Variants in LYST observed in about 807,000 individuals in gnomAD.
The protein encoded by LYST is lysosomal-trafficking regulator.
In LYST, 192 loss-of-function variants were observed where a neutral mutation model predicts 413.6. That is an observed-to-expected ratio of 0.46 (90% CI 0.41 to 0.52). The LOEUF (loss-of-function observed/expected upper bound fraction) is 0.52, where lower values mean the gene tolerates loss of function less well. Ranked by LOEUF, LYST falls within the 20% of genes least tolerant of loss-of-function variation. The pLI is 0.00. For synonymous variants in LYST, 1,525 were observed against 1,567.3 expected, an observed-to-expected ratio of 0.97 and a Z score of 0.64; for missense variants, 3,815 against 4,499.9, an observed-to-expected ratio of 0.85 and a Z score of 4.35.
intron 39 of LYST, 63 bp downstream of exon 39, chr1:235,723,965 G>T: frequency 7.5e-7 from 1 of 1,326,302 alleles, no homozygotes; most frequent in Non-Finnish European, 1.1e-6. Flanking sequence ...ATCAGTATGA[G>T]TATAGTTACA....
intron 14 of LYST, chr1:235,786,927 A>G (rs909995430): frequency 1.3e-4 from 37 of 286,888 alleles, no homozygotes; most frequent in Non-Finnish European, 2.3e-4. Flanking sequence ...GAGGGATAGC[A>G]TAGGAGATAT....
At chr1:235,825,601 A>T (rs572592445) in intron 3 of LYST, among the ~76,000 whole-genome samples, 2 of 152,332 alleles carry the variant, frequency 1.3e-5, no homozygotes, top group East Asian at 3.9e-4. Context: ...AAAAGGAATA[A>T]AATATTTAGA....
At chr1:235,778,098 AATATATATAT>A (rs139907712) in intron 16 of LYST, among the ~76,000 whole-genome samples, 2 of 128,034 alleles carry the variant, frequency 1.6e-5, no homozygotes, top group African/African-American at 3.7e-5. Context: ...AACCCAGTTA[AATATATATAT>A]ATATATATAT....
At chr1:235,846,775 A>C (rs1376005676) in intron 1 of LYST, among the ~76,000 whole-genome samples, 2 of 152,138 alleles carry the variant, frequency 1.3e-5, no homozygotes, top group African/African-American at 4.8e-5. Flanking sequence ...AGAAGAAAGA[A>C]ATTCAGAGCT....
intron 13 of LYST, among the ~76,000 whole-genome samples, chr1:235,787,599 G>T (rs1220018808): frequency 1.3e-5 from 2 of 151,968 alleles, no homozygotes; most frequent in African/African-American, 4.8e-5. Context: ...TCATTGGCTG[G>T]TAGTCATAAT....
At chr1:235,747,839 T>TC (rs1361035003) in intron 28 of LYST, among the ~76,000 whole-genome samples, 1 of 152,224 alleles carries the variant, frequency 6.6e-6, no homozygotes, top group Non-Finnish European at 1.5e-5. Context: ...ACCTCAGTTT[T>TC]CTCATGCATA....
intron 1 of LYST, among the ~76,000 whole-genome samples, chr1:235,847,779 G>C (rs1678048328): frequency 6.6e-6 from 1 of 152,190 alleles, no homozygotes; most frequent in Non-Finnish European, 1.5e-5. Context: ...AGCAACAGCA[G>C]TTAAAAGAGA....
intron 39 of LYST, among the ~76,000 whole-genome samples, 186 bp downstream of exon 39, chr1:235,723,842 C>G (rs1489932037): frequency 1.3e-5 from 2 of 152,188 alleles, no homozygotes; most frequent in Non-Finnish European, 2.9e-5. Context: ...TTTGGGGAAT[C>G]AGAATTTACC....
In LYST at chr1:235,724,856, A is replaced by G. The variant is rs539158336; in HGVS notation, c.9163-676T>C. ...GCTGAGCTTGCAAGAAAACAAGGGAAATGACATCCCCAGAAGTCAAAAATG... is the reference window on the plus strand; with the variant it reads ...GCTGAGCTTGCAAGAAAACAAGGGAGATGACATCCCCAGAAGTCAAAAATG... On this transcript the variant is annotated intron_variant, in intron 38 of 52. Transcript: ENST00000389793. 1.7e-4 allele frequency among the ~76,000 whole-genome samples: 26 copies of G among 152,366 alleles called. 1 individual carries two copies. In the South Asian group the frequency reaches 5.4e-3, roughly 32 times the overall value.
intron 7 of LYST, among the ~76,000 whole-genome samples, chr1:235,803,666 TAAA>T (rs1229130784): frequency 6.6e-6 from 1 of 152,152 alleles, no homozygotes; most frequent in East Asian, 1.9e-4. Flanking sequence ...CATTTTCACT[TAAA>T]GAAGCTCAGA....
In LYST at chr1:235,674,805, G is replaced by A. The variant is rs190340684; in HGVS notation, c.11038+2286C>T. Among the ~76,000 whole-genome samples the A allele has an allele frequency of 5.3e-5, 8 of 152,042 alleles. No homozygotes were observed. In the East Asian group the frequency reaches 1.5e-3, roughly 29 times the overall value. On this transcript the variant is annotated intron_variant, in intron 50 of 52. Coordinates refer to ENST00000389793, the MANE Select transcript of LYST (RefSeq NM_000081.4). This position sits in a 1 kb window ranked among gnomAD's most constrained non-coding sequence, Gnocchi z 4.1. ...TAAAACAATCACAAAAGCCCTACAG[G>A]GCCTTACCACCCTAGCAAATAAATT...
At chr1:235,741,712 T>C (rs923551091) in intron 30 of LYST, 84 bp from the exon 31 acceptor site, 11 of 973,928 alleles carry the variant, frequency 1.1e-5, no homozygotes, top group Non-Finnish European at 1.6e-5. Context: ...CTAAAGAAGA[T>C]TATGGAACAC....
chr1:235,846,051 A>G (rs1182928408), intron 1 of LYST, among the ~76,000 whole-genome samples: 1 of 152,178 alleles, frequency 6.6e-6, no homozygotes, highest in African/African-American at 2.4e-5. Context: ...ATAGAGCATT[A>G]AAACATGGCC....
intron 21 of LYST, among the ~76,000 whole-genome samples, chr1:235,763,723 T>C (rs1332477352): frequency 6.6e-6 from 1 of 152,076 alleles, no homozygotes; most frequent in African/African-American, 2.4e-5. Flanking sequence ...CCTCTCAAAG[T>C]GCTGGGATTA....
In LYST at chr1:235,809,027, A is replaced by G; in HGVS notation, c.1791T>C (p.His597=). The G allele has an allele frequency of 6.2e-7, 1 of 1,614,140 alleles. No homozygotes were observed. The highest frequency in any genetic ancestry group is 1.3e-5 in the African/African-American group (1 of 75,056). Residue 597 remains histidine (H), a synonymous_variant, in exon 5 of 53, where the codon CAT becomes CAC. Coordinates refer to ENST00000389793, the MANE Select transcript of LYST (RefSeq NM_000081.4). This position sits in a 1 kb window ranked among gnomAD's most constrained non-coding sequence, Gnocchi z 4.0. ...DPKSVIIPLL[H]AFKLPALKNF... ...TTTTCAGTGCTGGCAATTTAAAAGCATGGAGCAAAGGAATGATTACAGATT... is the reference window on the plus strand; with the variant it reads ...TTTTCAGTGCTGGCAATTTAAAAGCGTGGAGCAAAGGAATGATTACAGATT...
At chr1:235,711,282 C>T (rs991075575) in intron 43 of LYST, among the ~76,000 whole-genome samples, 6 of 152,168 alleles carry the variant, frequency 3.9e-5, no homozygotes, top group Non-Finnish European at 5.9e-5. Flanking sequence ...ATTGCAGGTG[C>T]TGATGTTTGA....
chr1:235,870,212 T>G (rs558626131), upstream of LYST, among the ~76,000 whole-genome samples: 1 of 152,246 alleles, frequency 6.6e-6, no homozygotes, highest in East Asian at 1.9e-4. Context: ...TTAAATCAAG[T>G]TTAGCCTAAA....
At chr1:235,675,836 T>C (rs2103033137) in intron 50 of LYST, among the ~76,000 whole-genome samples, 1 of 152,328 alleles carries the variant, frequency 6.6e-6, no homozygotes, top group East Asian at 1.9e-4. Flanking sequence ...TTGAACTGCA[T>C]GGTGGGACAC....
At chr1:235,716,860 T>C in intron 40 of LYST, 82 bp from the exon 41 acceptor site, 5 of 794,876 alleles carry the variant, frequency 6.3e-6, no homozygotes, top group Non-Finnish European at 1.1e-5. Context: ...ATCTTGTAAG[T>C]AGGTAAGTGG....
Sources: allele counts gnomAD v4.1 joint callset (sites outside exome capture counted in the v4.1 genomes callset), GRCh38; gene constraint gnomAD v4.1.1; non-coding constraint Gnocchi (gnomAD v3.1); transcripts MANE v1.5; gene names NCBI Gene and HGNC (gene_info 2026-07-23, HGNC 2026-07-21).